ALKBH1: variants seen among roughly 807,000 people sequenced by gnomAD.
ALKBH1 encodes nucleic acid dioxygenase ALKBH1.
A neutral mutation model predicts 36.6 loss-of-function variants in ALKBH1; 31 were observed. The ratio of observed to expected loss-of-function variants is 0.85; its 90% CI spans 0.64 to 1.14. The LOEUF (loss-of-function observed/expected upper bound fraction) is 1.14. ALKBH1 is among the 50% of genes most tolerant of loss of function. The pLI, the probability that ALKBH1 is intolerant of heterozygous loss-of-function variation, is 0.00. For synonymous variants in ALKBH1, 183 were observed against 186.6 expected (o/e 0.98, Z 0.16); for missense variants, 490 against 497.3 (o/e 0.99, Z 0.14).
At position 77,704,472 on chromosome 14, in the gene ALKBH1, G is replaced by T. The variant is rs759335127; in HGVS notation, c.189C>A (p.Ile63=). 1.2e-5 allele frequency: 19 copies of T among 1,613,420 alleles called. No homozygotes were observed. In the South Asian group the frequency reaches 2.0e-4, roughly 17 times the overall value. The stretch of plus-strand genomic sequence containing the variant: ...CAGAAGACACATTTAGCTGAGATTT[G>T]ATCACCTGGCAGGAAGGAAACAGAA... The part of the protein sequence containing the change: ...RGKGPGAQKV[I]KSQLNVSSVS... Residue 63 remains isoleucine (I), a synonymous_variant, in exon 2 of 6, where the codon ATC becomes ATA. Transcript: ENST00000216489.
At chr14:77,701,343 T>A (rs1381580938) in intron 2 of ALKBH1, among the ~76,000 whole-genome samples, 2 of 152,176 alleles carry the variant, frequency 1.3e-5, no homozygotes, top group Admixed American at 1.3e-4. Context: ...ATGATGAAAC[T>A]GAGGGCAAGA....
intron 3 of ALKBH1, among the ~76,000 whole-genome samples, chr14:77,690,249 T>A (rs2080289974): frequency 6.6e-6 from 1 of 151,686 alleles, no homozygotes; most frequent in Non-Finnish European, 1.5e-5. Flanking sequence ...AAAGAACAAA[T>A]GAAAAGGAAA....
At chr14:77,694,262 GAA>G (rs1218284846) in intron 3 of ALKBH1, among the ~76,000 whole-genome samples, 1 of 152,172 alleles carries the variant, frequency 6.6e-6, no homozygotes, top group Non-Finnish European at 1.5e-5. Flanking sequence ...TTTGTGGAAT[GAA>G]TGAATGAATG....
chr14:77,688,296 C>T (rs1354442395), intron 3 of ALKBH1, among the ~76,000 whole-genome samples: 4 of 148,510 alleles, frequency 2.7e-5, no homozygotes, highest in African/African-American at 1.0e-4. Flanking sequence ...TTTGCTCTGT[C>T]GCCAGGCTGG....
chr14:77,678,254 GCTGT>G lies in ALKBH1; in HGVS notation c.546+1622_546+1625del, dbSNP rs150871460. ...TACCGGAGGAAGGATTCAAACTCAG[GCTGT>G]CTAATCCAAAGAAAATCACATGGCA... On this transcript the variant is annotated intron_variant, in intron 4 of 5. Transcript: ENST00000216489. Among the ~76,000 whole-genome samples, 1,226 of 152,240 alleles carry G rather than the reference GCTGT, an allele frequency of 8.1e-3. 20 individuals are homozygous for G. The highest frequency in any genetic ancestry group is 0.028 in the African/African-American group (1,176 of 41,532).
At position 77,674,091 on chromosome 14, in the gene ALKBH1, T is replaced by G; in HGVS notation, c.891A>C (p.Glu297Asp). 6.2e-7 allele frequency: 1 copy of G among 1,614,114 alleles called. No homozygotes were observed. The highest frequency in any genetic ancestry group is 8.5e-7 in the Non-Finnish European group (1 of 1,180,006). ...CTAGGCAGTGAGGCAGGCCTTCCCCTTCTGGATTTGGAAGGACACGAGGGA... is the reference window on the plus strand; with the variant it reads ...CTAGGCAGTGAGGCAGGCCTTCCCCGTCTGGATTTGGAAGGACACGAGGGA... ...HAVPRVLPNP[E>D]GEGLPHCLEA... is the part of the protein sequence containing the mutation. Residue 297 changes from glutamate (E) to aspartate (D), a missense_variant, in exon 6 of 6, where the codon GAA becomes GAC. Transcript: ENST00000216489.
chr14:77,675,360 G>A (rs1327192450), intron 5 of ALKBH1, among the ~76,000 whole-genome samples: 1 of 151,970 alleles, frequency 6.6e-6, no homozygotes, highest in Non-Finnish European at 1.5e-5. Flanking sequence ...CTTGAAACTG[G>A]GAGGCGGAGG....
intron 3 of ALKBH1, among the ~76,000 whole-genome samples, chr14:77,692,161 A>T (rs191426793): frequency 6.6e-6 from 1 of 152,336 alleles, no homozygotes; most frequent in East Asian, 1.9e-4. Flanking sequence ...ACTTTAAAGG[A>T]CTTCTCACGT....
At chr14:77,674,313 G>T (rs999827465) in intron 5 of ALKBH1, 72 bp from the exon 6 acceptor site, 45 of 1,395,618 alleles carry the variant, frequency 3.2e-5, no homozygotes, top group Non-Finnish European at 4.1e-5. Flanking sequence ...GACTGGGAAA[G>T]TTACTGCCAA....
intron 2 of ALKBH1, among the ~76,000 whole-genome samples, chr14:77,700,919 C>G (rs1476337240): frequency 6.6e-6 from 1 of 151,870 alleles, no homozygotes; most frequent in Non-Finnish European, 1.5e-5. Flanking sequence ...GGGACCCCAT[C>G]TCTACAAAAA....
In ALKBH1 at chr14:77,685,436, T is replaced by TAA. The variant is rs11429511; in HGVS notation, c.456-5468_456-5467dup. ...TGGGCGACAGAGTGAGACTCCGTCT[T>TAA]AAAAAAAAACACAAAAAAAAACAAG... On this transcript the variant is annotated intron_variant, in intron 3 of 5. Coordinates refer to ENST00000216489, the MANE Select transcript of ALKBH1 (RefSeq NM_006020.3). 1.7e-3 allele frequency among the ~76,000 whole-genome samples: 248 copies of TAA among 148,706 alleles called. 4 individuals are homozygous for TAA. Among genetic ancestry groups the TAA allele is most frequent in the African/African-American group, 4.7e-3 (189 of 40,390 alleles).
chr14:77,674,550 G>GT (rs34972341), intron 5 of ALKBH1, among the ~76,000 whole-genome samples: 57 of 150,380 alleles, frequency 3.8e-4, no homozygotes, highest in African/African-American at 1.2e-3. Context: ...TTTATTGATG[G>GT]TTTTTTTTTT....
At chr14:77,683,703 C>G (rs2080251711) in intron 3 of ALKBH1, 1 of 231,574 alleles carries the variant, frequency 4.3e-6, no homozygotes, top group Non-Finnish European at 8.5e-6. Context: ...TCCCAAGTAG[C>G]TAGAATTACA....
intron 4 of ALKBH1, among the ~76,000 whole-genome samples, chr14:77,677,999 G>C (rs2080214962): frequency 7.5e-6 from 1 of 133,620 alleles, no homozygotes; most frequent in Non-Finnish European, 1.5e-5. Flanking sequence ...TCAGTTTTTG[G>C]TCATTTTTAC....
chr14:77,677,634 G>C (rs965652281), intron 4 of ALKBH1, among the ~76,000 whole-genome samples: 1 of 152,218 alleles, frequency 6.6e-6, no homozygotes, highest in African/African-American at 2.4e-5. Flanking sequence ...ACTTTGGCCA[G>C]AAGCGACCTT....
intron 3 of ALKBH1, among the ~76,000 whole-genome samples, chr14:77,692,783 C>A (rs867230128): frequency 2.6e-5 from 4 of 151,592 alleles, no homozygotes; most frequent in African/African-American, 9.7e-5. Context: ...TCTGTCCCTG[C>A]ACCTACCAAA....
At chr14:77,679,014 C>T (rs1018149969) in intron 4 of ALKBH1, among the ~76,000 whole-genome samples, 2 of 152,070 alleles carry the variant, frequency 1.3e-5, no homozygotes, top group Admixed American at 6.6e-5. Context: ...TGGGGTTTCA[C>T]TATGTTGCCC....
intron 2 of ALKBH1, 71 bp from the exon 3 acceptor site, chr14:77,694,971 A>T (rs2080319306): frequency 7.9e-7 from 1 of 1,263,884 alleles, no homozygotes; most frequent in Non-Finnish European, 1.0e-6. Flanking sequence ...TAATTTTGAC[A>T]TCTTTATACT....
chr14:77,701,435 C>G (rs1307961887), intron 2 of ALKBH1, among the ~76,000 whole-genome samples: 1 of 152,174 alleles, frequency 6.6e-6, no homozygotes, highest in African/African-American at 2.4e-5. Flanking sequence ...GCACCAGAAC[C>G]TACGCCTTAA....
Sources: gnomAD v4.1 joint callset for allele counts (sites outside exome capture counted in the v4.1 genomes callset) on GRCh38, gnomAD v4.1.1 for gene constraint, MANE v1.5 for transcripts, NCBI Gene and HGNC (gene_info 2026-07-23, HGNC 2026-07-21) for gene names.